Variants in ANXA6 observed in about 807,000 individuals in gnomAD.
The protein encoded by ANXA6 is annexin A6.
Under a neutral mutation model 95.4 loss-of-function variants are expected in ANXA6, and 71 were observed. The ratio of observed to expected loss-of-function variants is 0.74; its 90% CI spans 0.61 to 0.91. The LOEUF is 0.91. Among genes scored for constraint, ANXA6 ranks in the 40% least tolerant of loss-of-function variants. ANXA6 has a pLI of 0.00. For missense variants in ANXA6, 830 were observed against 876.4 expected (o/e 0.95, Z 0.67); for synonymous variants, 289 against 315.9 (o/e 0.91, Z 0.90).
At chr5:151,133,275 T>C in intron 8 of ANXA6, 88 bp from the exon 9 acceptor site, 1 of 828,448 alleles carries the variant, frequency 1.2e-6, no homozygotes, top group South Asian at 1.5e-5. Flanking sequence ...TGCTGCCTGA[T>C]CCCTGAACAC....
At chr5:151,145,110 G>C (rs1419046701) in intron 2 of ANXA6, among the ~76,000 whole-genome samples, 1 of 152,224 alleles carries the variant, frequency 6.6e-6, no homozygotes, top group East Asian at 1.9e-4. Flanking sequence ...CAGCAGAGAA[G>C]GGACTTTCCA....
chr5:151,109,766 C>T lies in ANXA6; in HGVS notation c.1671G>A (p.Pro557=), dbSNP rs751215230. The change falls in exon 22 of 26, where the codon CCG becomes CCA. Residue 557 remains proline (P), a synonymous_variant. Coordinates refer to ENST00000354546, the MANE Select transcript of ANXA6 (RefSeq NM_001155.5). ...GTCAGGCCTCACCTCTCCGGAGGTG[C>T]GGATAGCTCCGGGTACACAGGATCG... ...FMTILCTRSY[P]HLRRVFQEFI... The T allele has an allele frequency of 4.4e-6, 7 of 1,609,184 alleles. No individual in the cohort carries two copies. The highest frequency in any genetic ancestry group is 4.0e-5 in the African/African-American group (3 of 74,788).
intron 1 of ANXA6, chr5:151,151,288 C>CCA (rs1450539874): frequency 5.3e-5 from 8 of 152,208 alleles, no homozygotes; most frequent in African/African-American, 1.7e-4. Flanking sequence ...GCAACCTAGA[C>CCA]CATACTGCTC....
chr5:151,108,457 A>T lies in ANXA6; in HGVS notation c.1778T>A (p.Ile593Asn). 1 of 1,613,214 alleles carries T rather than the reference A, an allele frequency of 6.2e-7. No homozygotes were observed. Among genetic ancestry groups the T allele is most frequent in the Non-Finnish European group, 8.5e-7 (1 of 1,179,248 alleles). Residue 593 changes from isoleucine (I) to asparagine (N), a missense_variant and splice_region_variant, in exon 23 of 26, where the codon ATT (isoleucine) becomes AAT (asparagine). Coordinates refer to ENST00000354546, the MANE Select transcript of ANXA6 (RefSeq NM_001155.5). ...TTCCCTTAGTCCCTGCCAGTTACCA[A>T]TGGCCACAAATGCATCCCTGACATC... Reference protein sequence around the residue: ...SGDVRDAFVAIVQSVKNKPLF... With the variant: ...SGDVRDAFVANVQSVKNKPLF...
At chr5:151,132,626 G>A in intron 9 of ANXA6, 55 bp from the exon 10 acceptor site, 1 of 1,461,426 alleles carries the variant, frequency 6.8e-7, no homozygotes, top group Non-Finnish European at 9.4e-7. Flanking sequence ...CCCCCGAGAA[G>A]AAATGAGGAC....
chr5:151,107,888 G>A lies in ANXA6; in HGVS notation c.1780+567C>T, dbSNP rs1455360363. ...TCTGCATCTAGCGTGTATGTGTCTT[G>A]TATGTGTGTGCATGTGTGCTGCGTA... On this transcript the variant is annotated intron_variant, in intron 23 of 25. Transcript: ENST00000354546. Among the ~76,000 whole-genome samples the A allele has an allele frequency of 4.0e-5, 6 of 151,844 alleles. No homozygotes were observed. The South Asian group carries it at 6.3e-4, about 16-fold the overall frequency.
intron 25 of ANXA6, 110 bp from the exon 26 acceptor site, chr5:151,101,617 C>A: frequency 1.1e-6 from 1 of 924,762 alleles, no homozygotes; most frequent in Non-Finnish European, 1.7e-6. Flanking sequence ...TCTCCATGAC[C>A]AACATAGGAT....
At chr5:151,131,158 G>T in intron 11 of ANXA6, 73 bp downstream of exon 11, 1 of 1,525,100 alleles carries the variant, frequency 6.6e-7, no homozygotes, top group Non-Finnish European at 9.1e-7. Context: ...TTGGCCACTG[G>T]ATCCCAAGGA....
intron 23 of ANXA6, among the ~76,000 whole-genome samples, chr5:151,107,995 T>G (rs1764744419): frequency 6.6e-6 from 1 of 151,946 alleles, no homozygotes; most frequent in Non-Finnish European, 1.5e-5. Flanking sequence ...GTGTAGCATG[T>G]ATGTGTATAT....
intron 12 of ANXA6, among the ~76,000 whole-genome samples, chr5:151,129,039 C>A (rs1269418514): frequency 6.6e-6 from 1 of 152,136 alleles, no homozygotes; most frequent in Non-Finnish European, 1.5e-5. Flanking sequence ...TCACCAATCA[C>A]CCGGCCCAGG....
intron 6 of ANXA6, 120 bp downstream of exon 6, chr5:151,137,111 C>T (rs963240525): frequency 4.2e-5 from 37 of 877,100 alleles, no homozygotes; most frequent in Non-Finnish European, 6.2e-5. Flanking sequence ...AATGGGTGGA[C>T]AAATGGATCA....
At chr5:151,110,864 G>A (rs899829296) in intron 20 of ANXA6, among the ~76,000 whole-genome samples, 20 of 152,110 alleles carry the variant, frequency 1.3e-4, no homozygotes, top group African/African-American at 4.6e-4. Flanking sequence ...CTCAGAATGC[G>A]GATAGGCCTG....
At chr5:151,101,609 TC>T in intron 25 of ANXA6, 102 bp from the exon 26 acceptor site, 1 of 1,010,990 alleles carries the variant, frequency 9.9e-7, no homozygotes, top group Non-Finnish European at 1.5e-6. Context: ...TCGGCTTCTC[TC>T]CATGACCAAC....
At position 151,133,144 on chromosome 5, in the gene ANXA6, G is replaced by T. The variant is rs200095273; in HGVS notation, c.590C>A (p.Ala197Asp). ...ATTTCCCAAGATGTAAATGAACTGG[G>T]CTTCATCTGTTCCCCATTTCAGTTC... ...AGELKWGTDEAQFIYILGNRS... is the reference protein window; with the variant it reads ...AGELKWGTDEDQFIYILGNRS... The change falls in exon 9 of 26, where the codon GCC becomes GAC. Residue 197 changes from alanine to aspartate, a missense_variant. Transcript: ENST00000354546. 1.1e-5 allele frequency: 18 copies of T among 1,599,172 alleles called. No homozygotes were observed. In the East Asian group the frequency reaches 3.4e-4, roughly 30 times the overall value.
At chr5:151,102,561 A>T (rs139885429) in intron 25 of ANXA6, among the ~76,000 whole-genome samples, 1 of 152,266 alleles carries the variant, frequency 6.6e-6, no homozygotes, top group Non-Finnish European at 1.5e-5. Context: ...AAAATTAGCC[A>T]GGCATAGTGA....
At chr5:151,114,034 G>A (rs1436086899) in intron 20 of ANXA6, among the ~76,000 whole-genome samples, 1 of 152,218 alleles carries the variant, frequency 6.6e-6, no homozygotes, top group East Asian at 1.9e-4. Context: ...CAGTCCAAAA[G>A]GCCACGTATT....
In ANXA6 at chr5:151,137,223, C is replaced by T. The variant is rs1172278783; in HGVS notation, c.409+8G>A. 2 of 1,612,786 alleles carry T rather than the reference C, an allele frequency of 1.2e-6. No homozygotes were observed. Among genetic ancestry groups the T allele is most frequent in the Non-Finnish European group, 8.5e-7 (1 of 1,179,116 alleles). Reference sequence around the variant, plus strand: ...AAGATCCTAAGCGGCCCCTCCTGCCCATCTCACCATCTTTGTATGCTGCCA... The same window carrying T: ...AAGATCCTAAGCGGCCCCTCCTGCCTATCTCACCATCTTTGTATGCTGCCA... On this transcript the variant is annotated splice_region_variant and intron_variant, in intron 6 of 25. Coordinates refer to ENST00000354546, the MANE Select transcript of ANXA6 (RefSeq NM_001155.5).
chr5:151,104,041 G>C (rs1373056367), intron 24 of ANXA6, among the ~76,000 whole-genome samples: 1 of 152,220 alleles, frequency 6.6e-6, no homozygotes, highest in Non-Finnish European at 1.5e-5. Context: ...ATCTTTAGAA[G>C]AGGGAGGGCA....
chr5:151,140,199 G>T lies in ANXA6; in HGVS notation c.63C>A (p.Asp21Glu), dbSNP rs769806967. ...ACAGAGCCTCGGCATCCTGGTTGGG[G>T]TCAAAGCCTGGGAAGTCATGGATGG... ...RGSIHDFPGF[D>E]PNQDAEALYT... is the part of the protein sequence containing the mutation. Residue 21 changes from aspartate (D) to glutamate (E), a missense_variant, in exon 3 of 26, where the codon GAC becomes GAA. Asp to Glu is a conservative substitution (Grantham distance 45). Transcript: ENST00000354546. The T allele has an allele frequency of 6.2e-7, 1 of 1,613,930 alleles. No individual in the cohort carries two copies. The highest frequency in any genetic ancestry group is 2.2e-5 in the East Asian group (1 of 44,872).
Sources: gnomAD v4.1 joint callset for allele counts (sites outside exome capture counted in the v4.1 genomes callset) on GRCh38, gnomAD v4.1.1 for gene constraint, MANE v1.5 for transcripts, NCBI Gene and HGNC (gene_info 2026-07-23, HGNC 2026-07-21) for gene names.